Variants in DPH6 observed in about 807,000 individuals in gnomAD.
DPH6 encodes the protein diphthine--ammonia ligase.
In DPH6, 33 loss-of-function variants were observed where a neutral mutation model predicts 38.2. The ratio of observed to expected loss-of-function variants is 0.86; its 90% confidence interval spans 0.65 to 1.15. The LOEUF (loss-of-function observed/expected upper bound fraction) is 1.15, where lower values mean the gene tolerates loss of function less well. DPH6 is among the 50% of genes most tolerant of loss of function. The pLI is 0.00. For missense variants in DPH6, 325 were observed against 320.0 expected, an observed-to-expected ratio of 1.02 and a Z score of -0.12; for synonymous variants, 108 against 103.0, an observed-to-expected ratio of 1.05 and a Z score of -0.30.
At chr15:35,460,302 A>G (rs1321526454) in intron 3 of DPH6, among the ~76,000 whole-genome samples, 1 of 152,240 alleles carries the variant, frequency 6.6e-6, no homozygotes. Flanking sequence ...GGAGATTTTA[A>G]TTCATATTAA....
rs932866148 is a variant in DPH6 at position 35,522,081 on chromosome 15, A to G, written c.312+16193T>C. 4.3e-6 allele frequency: 7 copies of G among 1,611,176 alleles called. No individual in the cohort carries two copies. The African/African-American group carries it at 9.4e-5, about 22-fold the overall frequency. Reference sequence around the variant, plus strand: ...AGGAAAAGGGTTGAGGGGAATCAGTAAAACTGGAAACTCATACTTCACATT... The same window carrying G: ...AGGAAAAGGGTTGAGGGGAATCAGTGAAACTGGAAACTCATACTTCACATT... On this transcript the variant is annotated intron_variant, in intron 3 of 8. Coordinates refer to ENST00000256538, the MANE Select transcript of DPH6 (RefSeq NM_080650.4).
At chr15:35,447,436 TC>T (rs199554720) in intron 5 of DPH6, among the ~76,000 whole-genome samples, 10 of 150,198 alleles carry the variant, frequency 6.7e-5, no homozygotes, top group Non-Finnish European at 1.3e-4. Flanking sequence ...CTCTTATACG[TC>T]CCCCCCCGCC....
chr15:35,413,725 T>C (rs1350724707), intron 5 of DPH6, among the ~76,000 whole-genome samples: 1 of 151,716 alleles, frequency 6.6e-6, no homozygotes, highest in Non-Finnish European at 1.5e-5. Context: ...ATCTTATAAA[T>C]ATGACTCCAA....
At chr15:35,498,908 G>T (rs1367872993) in intron 3 of DPH6, among the ~76,000 whole-genome samples, 1 of 117,226 alleles carries the variant, frequency 8.5e-6, no homozygotes, top group African/African-American at 3.4e-5. Flanking sequence ...AGGACTTTGA[G>T]AACAGCCTGA....
chr15:35,459,564 C>G (rs2054037131), intron 3 of DPH6, among the ~76,000 whole-genome samples: 1 of 152,024 alleles, frequency 6.6e-6, no homozygotes, highest in African/African-American at 2.4e-5. Flanking sequence ...CTCTGGTGCT[C>G]AAGACAGTAT....
chr15:35,546,046 T>C, intron 1 of DPH6, 73 bp downstream of exon 1: 2 of 1,275,348 alleles, frequency 1.6e-6, no homozygotes, highest in Non-Finnish European at 2.0e-6. Context: ...ACCCACTCTT[T>C]CGGCGCTAGC....
chr15:35,215,006 T>C (rs1399417821), downstream of DPH6, among the ~76,000 whole-genome samples: 1 of 152,228 alleles, frequency 6.6e-6, no homozygotes, highest in East Asian at 1.9e-4. Flanking sequence ...AAAGTCAGAT[T>C]AGGCCAGCCC....
At chr15:35,334,073 AACAGGCC>A (rs2052348651) in intron 3 of DPH6, among the ~76,000 whole-genome samples, 1 of 152,002 alleles carries the variant, frequency 6.6e-6, no homozygotes, top group Admixed American at 6.6e-5. Flanking sequence ...ATGGGCACCA[AACAGGCC>A]ACGGATGTCC....
At chr15:35,439,206 A>G (rs1247380598) in intron 5 of DPH6, among the ~76,000 whole-genome samples, 1 of 152,246 alleles carries the variant, frequency 6.6e-6, no homozygotes, top group Non-Finnish European at 1.5e-5. Flanking sequence ...CAAACAGAAC[A>G]CGAGTTAATG....
chr15:35,491,293 G>C (rs2054474153), intron 3 of DPH6, among the ~76,000 whole-genome samples: 1 of 152,080 alleles, frequency 6.6e-6, no homozygotes, highest in Non-Finnish European at 1.5e-5. Context: ...ACCTGGCACA[G>C]AGTAAACACG....
At chr15:35,262,502 G>C (rs1056589837) in intron 3 of DPH6, among the ~76,000 whole-genome samples, 5 of 152,042 alleles carry the variant, frequency 3.3e-5, no homozygotes, top group African/African-American at 4.8e-5. Context: ...GTCAGGAGAT[G>C]AAGACCATCC....
chr15:35,491,094 TATC>T (rs981989799), intron 3 of DPH6, among the ~76,000 whole-genome samples: 14 of 152,074 alleles, frequency 9.2e-5, no homozygotes, highest in Non-Finnish European at 1.8e-4. Context: ...CACCTCCCAA[TATC>T]ATTACATTGG....
At chr15:35,232,045 T>C (rs1027194372) in intron 3 of DPH6, among the ~76,000 whole-genome samples, 9 of 152,086 alleles carry the variant, frequency 5.9e-5, no homozygotes, top group African/African-American at 2.2e-4. Context: ...ACTGTATCAG[T>C]ATTACTGGGA....
intron 3 of DPH6, among the ~76,000 whole-genome samples, chr15:35,507,100 CTT>C (rs905878788): frequency 1.6e-4 from 24 of 151,272 alleles, no homozygotes; most frequent in African/African-American, 4.9e-4. Flanking sequence ...TGAACACAGA[CTT>C]TGATCTATAT....
intron 3 of DPH6, among the ~76,000 whole-genome samples, chr15:35,306,529 T>C (rs2052092494): frequency 6.6e-6 from 1 of 152,184 alleles, no homozygotes; most frequent in African/African-American, 2.4e-5. Flanking sequence ...TGTTTTCACA[T>C]AAAGACAGAC....
chr15:35,441,809 T>TAA (rs71123130), intron 5 of DPH6, among the ~76,000 whole-genome samples: 13 of 151,844 alleles, frequency 8.6e-5, no homozygotes, highest in South Asian at 2.1e-4. Flanking sequence ...TAAAGTATAA[T>TAA]AAAAAAAATG....
intron 6 of DPH6, among the ~76,000 whole-genome samples, chr15:35,405,292 G>A (rs536587282): frequency 1.3e-5 from 2 of 152,106 alleles, no homozygotes; most frequent in East Asian, 3.9e-4. Flanking sequence ...TCTGCAGATT[G>A]CTTTAGGTAG....
the DPH6 span, among the ~76,000 whole-genome samples, chr15:35,206,733 A>C: frequency 6.6e-6 from 1 of 152,166 alleles, no homozygotes; most frequent in African/African-American, 2.4e-5. Context: ...GTAACTAAAT[A>C]AATTACTTTA....
At chr15:35,314,765 T>TA (rs890506090) in intron 3 of DPH6, among the ~76,000 whole-genome samples, 9 of 152,010 alleles carry the variant, frequency 5.9e-5, no homozygotes, top group East Asian at 3.9e-4. Context: ...TTAGCAAAAA[T>TA]AAAAAAAATC....
Sources: gnomAD v4.1 joint callset for allele counts (sites outside exome capture counted in the v4.1 genomes callset) on GRCh38, gnomAD v4.1.1 for gene constraint, MANE v1.5 for transcripts, NCBI Gene and HGNC (gene_info 2026-07-23, HGNC 2026-07-21) for gene names.